Variants in ZNF600 observed in about 807,000 individuals in gnomAD.
ZNF600 encodes zinc finger protein 600, also known as zinc finger protein KR-ZNF1.
Under a neutral mutation model 7.3 loss-of-function variants are expected in ZNF600, and 4 were observed. The observed-to-expected ratio is 0.55, with a 90% CI of 0.27 to 1.25. ZNF600 has a LOEUF of 1.25. Among genes scored for constraint, ZNF600 ranks in the 50% most tolerant of loss-of-function variants. The pLI is 0.12. For missense variants in ZNF600, 911 were observed against 922.1 expected (o/e 0.99, Z 0.16); for synonymous variants, 290 against 308.9 (o/e 0.94, Z 0.64).
upstream of ZNF600, among the ~76,000 whole-genome samples, chr19:52,790,406 A>G (rs531302556): frequency 2.0e-3 from 309 of 152,278 alleles, 1 homozygote; most frequent in Non-Finnish European, 3.7e-3. Flanking sequence ...CTGAGGCAGA[A>G]GAATCGCTTG....
At chr19:52,799,429 C>T in the ZNF600 span, 12 of 727,688 alleles carry the variant, frequency 1.6e-5, no homozygotes, top group Admixed American at 2.5e-4. Flanking sequence ...TCACATTCTT[C>T]CTATTTGTAA....
At chr19:52,808,901 A>G in the ZNF600 span, among the ~76,000 whole-genome samples, 1 of 152,208 alleles carries the variant, frequency 6.6e-6, no homozygotes, top group African/African-American at 2.4e-5. Flanking sequence ...TAAAACCTAG[A>G]GACTCACAAA....
intron 2 of ZNF600, 35 bp from the exon 5 acceptor site, chr19:52,774,736 G>T: frequency 1.0e-6 from 1 of 985,338 alleles, no homozygotes; most frequent in Non-Finnish European, 1.2e-6. Context: ...AAAACATTAT[G>T]GAGGATTGAG....
chr19:52,793,302 C>T, the ZNF600 span, among the ~76,000 whole-genome samples: 1 of 152,196 alleles, frequency 6.6e-6, no homozygotes, highest in Non-Finnish European at 1.5e-5. Flanking sequence ...GTCACAGATG[C>T]GTCCTCAACC....
At chr19:52,765,649 A>G (rs1310663057) in exon 4 of ZNF600, 1 of 1,614,014 alleles carries the variant, frequency 6.2e-7, no homozygotes, top group Non-Finnish European at 8.5e-7. Flanking sequence ...TGCTTGCTAA[A>G]GGCTTTGCCA....
At chr19:52,801,478 T>C in the ZNF600 span, 2 of 1,614,072 alleles carry the variant, frequency 1.2e-6, no homozygotes, top group Non-Finnish European at 1.7e-6. Flanking sequence ...TGTTGGCCTG[T>C]ACTACCAGTC....
the ZNF600 span, among the ~76,000 whole-genome samples, chr19:52,791,853 C>A: frequency 6.6e-6 from 1 of 152,320 alleles, no homozygotes; most frequent in East Asian, 1.9e-4. Flanking sequence ...AGGGCACAGA[C>A]CCATCCCTGA....
the ZNF600 span, chr19:52,801,581 C>T: frequency 6.2e-7 from 1 of 1,614,130 alleles, no homozygotes; most frequent in Non-Finnish European, 8.5e-7. Context: ...TCTCAATTTT[C>T]TGGAAGCAAA....
the ZNF600 span, among the ~76,000 whole-genome samples, chr19:52,825,678 A>C: frequency 6.6e-6 from 1 of 152,052 alleles, no homozygotes; most frequent in Non-Finnish European, 1.5e-5. Context: ...CATACAAAAC[A>C]AAAAACAACA....
chr19:52,777,343 A>G (rs1193382394), intron 2 of ZNF600, among the ~76,000 whole-genome samples: 1 of 152,106 alleles, frequency 6.6e-6, no homozygotes, highest in Admixed American at 6.6e-5. Flanking sequence ...CACCACTGCA[A>G]TCCAACCTGG....
At chr19:52,813,965 A>T in the ZNF600 span, among the ~76,000 whole-genome samples, 200 of 145,938 alleles carry the variant, frequency 1.4e-3, 39 homozygotes, top group African/African-American at 4.5e-3. Flanking sequence ...AGGGGTGGGA[A>T]TTTTTTTTAA....
At chr19:52,806,334 C>T in the ZNF600 span, among the ~76,000 whole-genome samples, 2 of 151,886 alleles carry the variant, frequency 1.3e-5, no homozygotes, top group Admixed American at 6.5e-5. Context: ...GCTTGGATTA[C>T]AGCCACCCAC....
the ZNF600 span, chr19:52,799,240 C>T: frequency 8.2e-4 from 311 of 380,452 alleles, 1 homozygote; most frequent in Non-Finnish European, 1.3e-3. Flanking sequence ...GAATTTTGAC[C>T]AAAGGTGTTG....
the ZNF600 span, among the ~76,000 whole-genome samples, chr19:52,833,328 C>T: frequency 2.6e-5 from 4 of 152,144 alleles, no homozygotes; most frequent in African/African-American, 7.2e-5. Flanking sequence ...TGAGGCCTTC[C>T]CAGGACCATG....
the ZNF600 span, among the ~76,000 whole-genome samples, chr19:52,812,382 G>A: frequency 7.2e-6 from 1 of 139,672 alleles, no homozygotes; most frequent in Admixed American, 7.0e-5. Context: ...TGTGTGGATA[G>A]AAGTAGACAT....
the ZNF600 span, chr19:52,810,756 A>G: frequency 2.2e-4 from 119 of 535,060 alleles, no homozygotes; most frequent in Admixed American, 8.5e-4. Context: ...AAAGAAGGGG[A>G]AAAAAAAAGA....
At chr19:52,766,457 C>T in exon 4 of ZNF600, 1 of 1,613,762 alleles carries the variant, frequency 6.2e-7, no homozygotes, top group East Asian at 2.2e-5. Flanking sequence ...TATGAATTGA[C>T]TTATGAATTA....
the ZNF600 span, among the ~76,000 whole-genome samples, chr19:52,792,298 T>G: frequency 6.6e-6 from 1 of 152,108 alleles, no homozygotes; most frequent in Non-Finnish European, 1.5e-5. Flanking sequence ...GAGCCCCAAA[T>G]CACTAAGCAA....
chr19:52,766,285 T>C (rs763253436), exon 4 of ZNF600: 1 of 1,614,066 alleles, frequency 6.2e-7, no homozygotes, highest in South Asian at 1.1e-5. Context: ...CCACTATGAA[T>C]TCTAGTATGT....
Sources: gnomAD v4.1 joint callset for allele counts (sites outside exome capture counted in the v4.1 genomes callset) on GRCh38, gnomAD v4.1.1 for gene constraint, MANE v1.5 for transcripts, NCBI Gene and HGNC (gene_info 2026-07-23, HGNC 2026-07-21) for gene names.